CEP128: variants seen among roughly 807,000 people sequenced by gnomAD.
CEP128 encodes centrosomal protein 128.
CEP128 carries 132 observed loss-of-function variants against 156.7 expected under a neutral mutation model. The ratio of observed to expected loss-of-function variants is 0.84; its 90% CI spans 0.73 to 0.97. CEP128 has a LOEUF of 0.97. Ranked by LOEUF, CEP128 falls within the 50% of genes least tolerant of loss-of-function variation. CEP128 has a pLI of 0.00. For missense variants in CEP128, 1,252 were observed against 1,281.9 expected (o/e 0.98, Z 0.36); for synonymous variants, 469 against 448.9 (o/e 1.04, Z -0.57).
chr14:80,747,199 G>A (rs1295110669), intron 18 of CEP128, among the ~76,000 whole-genome samples: 3 of 152,132 alleles, frequency 2.0e-5, no homozygotes, highest in Non-Finnish European at 2.9e-5. Context: ...TAAACATAGA[G>A]GTACCATATA....
At chr14:80,856,893 T>G (rs1887205077) in intron 9 of CEP128, among the ~76,000 whole-genome samples, 1 of 151,208 alleles carries the variant, frequency 6.6e-6, no homozygotes, top group African/African-American at 2.4e-5. Context: ...ACCACACTAA[T>G]TTTTTTGTTG....
rs369350599 is a variant in CEP128, at chr14:80,636,789, T to C, written c.2807-56366A>G. 3.3e-5 allele frequency among the ~76,000 whole-genome samples: 5 copies of C among 152,254 alleles called. No homozygotes were observed. In the East Asian group the frequency reaches 5.8e-4, roughly 18 times the overall value. ...CTTCTCCACATTACTGAATTTTCCATTGAAAATACAAATTTGGCCAGGCAC... is the reference window on the plus strand; with the variant it reads ...CTTCTCCACATTACTGAATTTTCCACTGAAAATACAAATTTGGCCAGGCAC... On this transcript the variant is annotated intron_variant, in intron 19 of 24. Transcript: ENST00000555265.
chr14:80,811,655 G>A (rs760753385), intron 13 of CEP128, among the ~76,000 whole-genome samples: 17 of 149,310 alleles, frequency 1.1e-4, no homozygotes, highest in Admixed American at 6.8e-4. Context: ...GTTTGTGTGT[G>A]TATGTGTGTG....
intron 19 of CEP128, among the ~76,000 whole-genome samples, chr14:80,611,388 A>G (rs910594792): frequency 6.6e-6 from 1 of 152,064 alleles, no homozygotes; most frequent in Non-Finnish European, 1.5e-5. Flanking sequence ...AAAATAATTC[A>G]TGTACTATAG....
intron 19 of CEP128, among the ~76,000 whole-genome samples, chr14:80,664,190 C>T (rs746273267): frequency 1.5e-4 from 23 of 152,228 alleles, no homozygotes; most frequent in Non-Finnish European, 1.5e-4. Flanking sequence ...ATAGGAGACG[C>T]CCTCTGATCT....
chr14:80,822,818 T>C, intron 13 of CEP128: 1 of 736,438 alleles, frequency 1.4e-6, no homozygotes, highest in East Asian at 2.6e-5. Flanking sequence ...TTTTGATAAC[T>C]GTGTAAACTT....
rs538614026 is a variant in CEP128 at position 80,713,790 on chromosome 14, A to T, written c.2806+29285T>A. 1.8e-3 allele frequency among the ~76,000 whole-genome samples: 274 copies of T among 152,340 alleles called. 2 individuals are homozygous for T. Among genetic ancestry groups the T allele is most frequent in the Middle Eastern group, 6.8e-3 (2 of 294 alleles). The stretch of plus-strand genomic sequence containing the variant: ...TGAGTAAAAGAGAAGGTTGGAAACA[A>T]AGATAGTGATTTTGTTTTTAATTTT... On this transcript the variant is annotated intron_variant, in intron 19 of 24. Coordinates refer to ENST00000555265, the MANE Select transcript of CEP128 (RefSeq NM_152446.5).
intron 8 of CEP128, among the ~76,000 whole-genome samples, chr14:80,892,011 G>T (rs1482578813): frequency 6.6e-6 from 1 of 150,996 alleles, no homozygotes; most frequent in Non-Finnish European, 1.5e-5. Context: ...CAAAATATAG[G>T]TTTGACATAA....
intron 9 of CEP128, among the ~76,000 whole-genome samples, chr14:80,844,211 G>A (rs867980615): frequency 2.0e-5 from 3 of 151,502 alleles, no homozygotes; most frequent in African/African-American, 7.3e-5. Flanking sequence ...ACAAAACAAC[G>A]CATTCACATT....
At chr14:80,763,386 A>T (rs1595364034) in intron 16 of CEP128, among the ~76,000 whole-genome samples, 1 of 152,294 alleles carries the variant, frequency 6.6e-6, no homozygotes, top group South Asian at 2.1e-4. Flanking sequence ...AGTCTTGCTC[A>T]TATCTAGGAG....
chr14:80,907,136 G>GT (rs1801731215), intron 4 of CEP128, among the ~76,000 whole-genome samples: 1 of 152,170 alleles, frequency 6.6e-6, no homozygotes, highest in Non-Finnish European at 1.5e-5. Context: ...GAAACAGAAT[G>GT]TGAGTCACAA....
chr14:80,573,511 T>C (rs1368375485), intron 20 of CEP128, among the ~76,000 whole-genome samples: 1 of 152,178 alleles, frequency 6.6e-6, no homozygotes, highest in Admixed American at 6.5e-5. Flanking sequence ...ACAAGAATAC[T>C]TCTTTCGTAG....
intron 20 of CEP128, among the ~76,000 whole-genome samples, chr14:80,573,359 A>G (rs890170717): frequency 6.6e-6 from 1 of 152,084 alleles, no homozygotes; most frequent in African/African-American, 2.4e-5. Context: ...AAGCTTTTTT[A>G]GAAGCTTGAT....
chr14:80,857,215 CTT>C (rs34279371), intron 9 of CEP128, among the ~76,000 whole-genome samples: 6,963 of 137,296 alleles, frequency 0.051, 179 homozygotes, highest in Middle Eastern at 0.065. Flanking sequence ...GTGGTTTTGG[CTT>C]TTTTTTTTTT....
At chr14:80,752,024 CT>C (rs1412122556) in intron 18 of CEP128, among the ~76,000 whole-genome samples, 1 of 152,020 alleles carries the variant, frequency 6.6e-6, no homozygotes, top group African/African-American at 2.4e-5. Context: ...CCAAGATGAA[CT>C]TTTTAATCTG....
chr14:80,809,623 C>T (rs1884388909), intron 13 of CEP128, among the ~76,000 whole-genome samples: 1 of 152,090 alleles, frequency 6.6e-6, no homozygotes, highest in Non-Finnish European at 1.5e-5. Flanking sequence ...AAGAGGAAAG[C>T]ATCTAATCAC....
At chr14:80,918,010 C>T (rs961976898) in intron 2 of CEP128, among the ~76,000 whole-genome samples, 1 of 152,148 alleles carries the variant, frequency 6.6e-6, no homozygotes, top group Non-Finnish European at 1.5e-5. Context: ...TTCTCCTCTG[C>T]CCAGGGCTCT....
At chr14:80,677,295 T>A (rs1188621887) in intron 19 of CEP128, among the ~76,000 whole-genome samples, 2 of 151,722 alleles carry the variant, frequency 1.3e-5, no homozygotes, top group African/African-American at 4.8e-5. Flanking sequence ...TCACCTGAGG[T>A]CGTTAGGAGT....
intron 21 of CEP128, among the ~76,000 whole-genome samples, chr14:80,532,485 C>T (rs936471417): frequency 1.6e-4 from 25 of 152,296 alleles, no homozygotes; most frequent in Admixed American, 5.2e-4. Context: ...CTCACTGATG[C>T]AGTTTCCCCC....
Sources: gnomAD v4.1 joint callset for allele counts (sites outside exome capture counted in the v4.1 genomes callset) on GRCh38, gnomAD v4.1.1 for gene constraint, MANE v1.5 for transcripts, NCBI Gene and HGNC (gene_info 2026-07-23, HGNC 2026-07-21) for gene names.